Variants in MBOAT4 observed in about 807,000 individuals in gnomAD.
MBOAT4 encodes the protein membrane bound ghrelin O-acyltransferase MBOAT4.
Under a neutral mutation model 13.2 loss-of-function variants are expected in MBOAT4, and 11 were observed. That is an observed-to-expected ratio of 0.84 (90% CI 0.53 to 1.38). MBOAT4 has a LOEUF of 1.38. Ranked by LOEUF, MBOAT4 falls within the 40% of genes most tolerant of loss-of-function variation. MBOAT4 has a pLI of 0.00. For synonymous variants in MBOAT4, 202 were observed against 210.3 expected (o/e 0.96, Z 0.34); for missense variants, 481 against 527.2 (o/e 0.91, Z 0.86).
At chr8:30,134,605 G>A (rs776608444) in intron 2 of MBOAT4, among the ~76,000 whole-genome samples, 8 of 146,370 alleles carry the variant, frequency 5.5e-5, no homozygotes, top group Non-Finnish European at 1.1e-4. Context: ...GCAGTGGCGC[G>A]ATCTCAGCCG....
chr8:30,132,224 C>T lies in MBOAT4; in HGVS notation c.1027G>A (p.Gly343Arg), dbSNP rs1444904503. 6 of 1,551,870 alleles carry T rather than the reference C, an allele frequency of 3.9e-6. No homozygotes were observed. The highest frequency in any genetic ancestry group is 5.2e-6 in the Non-Finnish European group (6 of 1,147,032). ...CAGCAAACGAAACCAAACACCTGTC[C>T]TGGATGGAGTCCATGCCACCAGGCA... Reference protein sequence around the residue: ...FSAWWHGLHPGQVFGFVCWAV... With the variant: ...FSAWWHGLHPRQVFGFVCWAV... Residue 343 changes from glycine (G) to arginine (R), a missense_variant, in exon 3 of 3, where the codon GGA (glycine) becomes AGA (arginine). Transcript: ENST00000320542.
At chr8:30,133,106 G>C (rs1803063763) in intron 2 of MBOAT4, among the ~76,000 whole-genome samples, 200 bp from the exon 3 acceptor site, 1 of 151,818 alleles carries the variant, frequency 6.6e-6, no homozygotes, top group Non-Finnish European at 1.5e-5. Flanking sequence ...TTATAGACAT[G>C]GGGTCTCACT....
intron 1 of MBOAT4, among the ~76,000 whole-genome samples, chr8:30,140,708 C>A (rs1803247602): frequency 6.6e-6 from 1 of 152,088 alleles, no homozygotes; most frequent in Non-Finnish European, 1.5e-5. Context: ...CTGTTGCCTT[C>A]CCAGAGTGAA....
At chr8:30,138,259 C>T (rs1803190078) in intron 2 of MBOAT4, 1 of 301,888 alleles carries the variant, frequency 3.3e-6, no homozygotes, top group African/African-American at 2.1e-5. Context: ...TTCTTTACTG[C>T]AATTCCCCTG....
Position 30,132,195 on chromosome 8 carries a change from G to A in MBOAT4, c.1056C>T (p.Ala352=), listed in dbSNP as rs759666616. The part of the protein sequence containing the change: ...PGQVFGFVCW[A]VMVEADYLIH... Reference sequence around the variant, plus strand: ...TCAGGTAGTCAGCTTCCACCATCACGGCCCAGCAAACGAAACCAAACACCT... The same window carrying A: ...TCAGGTAGTCAGCTTCCACCATCACAGCCCAGCAAACGAAACCAAACACCT... Residue 352 remains alanine (A), a synonymous_variant, in exon 3 of 3, where the codon GCC becomes GCT. Transcript: ENST00000320542. The A allele has an allele frequency of 4.5e-6, 7 of 1,551,666 alleles. No individual in the cohort carries two copies. Among genetic ancestry groups the A allele is most frequent in the Middle Eastern group, 1.7e-4 (1 of 6,016 alleles).
intron 1 of MBOAT4, among the ~76,000 whole-genome samples, chr8:30,139,620 A>G (rs1035178013): frequency 6.6e-6 from 1 of 152,164 alleles, no homozygotes; most frequent in African/African-American, 2.4e-5. Context: ...GCACTTTAAG[A>G]TCTTATGAGT....
At chr8:30,137,812 C>T (rs1237691446) in intron 2 of MBOAT4, 3 of 334,242 alleles carry the variant, frequency 9.0e-6, no homozygotes, top group Non-Finnish European at 1.7e-5. Context: ...GTAGGATTAA[C>T]AAATTAGCCG....
At position 30,137,286 on chromosome 8, in the gene MBOAT4, C is replaced by A. The variant is rs1291096991; in HGVS notation, c.344+1246G>T. ...CTGTTTTCTAGATGGGGCGCCTACC[C>A]TTCTTCAGCAAGATGGGAACAGCTG... is the stretch of plus-strand genomic sequence containing the variant. On this transcript the variant is annotated intron_variant, in intron 2 of 2. Transcript: ENST00000320542. 24 of 1,551,522 alleles carry A rather than the reference C, an allele frequency of 1.5e-5. No individual in the cohort carries two copies. The South Asian group carries it at 2.7e-4, about 18-fold the overall frequency.
intron 2 of MBOAT4, among the ~76,000 whole-genome samples, chr8:30,133,783 T>C (rs1285715783): frequency 1.5e-5 from 1 of 67,440 alleles, no homozygotes; most frequent in African/African-American, 4.8e-5. Flanking sequence ...AGTGAGACCC[T>C]GTCTCAAAAA....
chr8:30,144,628 T>C lies in MBOAT4; in HGVS notation c.-27A>G. The C allele has an allele frequency of 6.9e-7, 1 of 1,439,952 alleles. No individual in the cohort carries two copies. Among genetic ancestry groups the C allele is most frequent in the Non-Finnish European group, 9.5e-7 (1 of 1,051,144 alleles). The allele number at this position is 1,439,952 out of a possible 1,614,324, so 89.2% of individuals were successfully genotyped here. A position where few individuals can be genotyped will look rare whatever the true frequency, so the allele number is the denominator to read the frequency against. On this transcript the variant is annotated 5_prime_UTR_variant, in exon 1 of 3. Coordinates refer to ENST00000320542, the MANE Select transcript of MBOAT4 (RefSeq NM_001100916.2). ...AGGAACCAGAACAAAAGAGCCTGTC[T>C]TTTCCAGTGTCCTTAACTGATGCCT...
rs541824674 is a variant in MBOAT4, at chr8:30,137,009, A to AT, written c.344+1522dup. On this transcript the variant is annotated intron_variant, in intron 2 of 2. Transcript: ENST00000320542. Reference sequence around the variant, plus strand: ...GGCTGAAAATAGTCTTTACAGGAAAATTAAAAAAAAAAATTCTAGGTATAG... The same window carrying AT: ...GGCTGAAAATAGTCTTTACAGGAAAATTTAAAAAAAAAAATTCTAGGTATAG... 1.5e-3 allele frequency among the ~76,000 whole-genome samples: 229 copies of AT among 152,026 alleles called. 2 individuals carry two copies. The highest frequency in any genetic ancestry group is 5.3e-3 in the African/African-American group (218 of 41,454).
At chr8:30,137,672 A>G (rs1750092251) in intron 2 of MBOAT4, 2 of 607,944 alleles carry the variant, frequency 3.3e-6, no homozygotes. Flanking sequence ...CTAACCTCCA[A>G]GCTGTCCTTG....
At position 30,144,536 on chromosome 8, in the gene MBOAT4, A is replaced by G; in HGVS notation, c.66T>C (p.Phe22=). 6.4e-7 allele frequency: 1 copy of G among 1,551,688 alleles called. No individual in the cohort carries two copies. Among genetic ancestry groups the G allele is most frequent in the Non-Finnish European group, 8.7e-7 (1 of 1,146,972 alleles). ...TGCAGAGATAATTGAAGAGAAGTGC[A>G]AAGGGAAATGCAGCCCCCTGGTAAA... ...ISFYQGAAFP[F]ALLFNYLCIM... Residue 22 remains phenylalanine, a synonymous_variant, in exon 1 of 3, where the codon TTT becomes TTC. Coordinates refer to ENST00000320542, the MANE Select transcript of MBOAT4 (RefSeq NM_001100916.2).
chr8:30,140,944 C>T (rs570148318), intron 1 of MBOAT4, among the ~76,000 whole-genome samples: 53 of 152,094 alleles, frequency 3.5e-4, no homozygotes, highest in Non-Finnish European at 6.5e-4. Context: ...CTCAAGAAAT[C>T]CTCCCACCTC....
In MBOAT4 at chr8:30,132,724, AG is replaced by A; in HGVS notation, c.526del (p.Leu176TrpfsTer30). 6.4e-7 allele frequency: 1 copy of A among 1,551,702 alleles called. No homozygotes were observed. Among genetic ancestry groups the A allele is most frequent in the East Asian group, 2.4e-5 (1 of 40,912 alleles). The part of the protein sequence containing the change: ...FSYLLFFPAL[L>X]GGSLCSFQRF... The stretch of plus-strand genomic sequence containing the variant: ...CTGGAAGGAGCACAGAGAGCCTCCC[AG>A]GAGAGCAGGGAAAAAGAGCAAGTAG... On this transcript the variant is annotated frameshift_variant, in exon 3 of 3. Coordinates refer to ENST00000320542, the MANE Select transcript of MBOAT4 (RefSeq NM_001100916.2). LOFTEE classifies it low-confidence loss of function (END_TRUNC).
rs7844812 is a variant in MBOAT4 at position 30,132,048 on chromosome 8, A to G, written c.1203T>C (p.Ser401=). 0.86 allele frequency: 1,336,325 copies of G among 1,551,518 alleles called. 581,536 individuals are homozygous for G. Among genetic ancestry groups the G allele is most frequent in the Middle Eastern group, 0.89 (5,362 of 5,992 alleles). ...AYIMLAVEVR[S]LSSLWLLCNS... is the part of the protein sequence containing the mutation. ...TACAGAGCAACCAGAGAGAGGAGAG[A>G]CTCCTGACCTCCACAGCCAGCATGA... The change falls in exon 3 of 3, where the codon AGT becomes AGC. Residue 401 remains serine, a synonymous_variant. Coordinates refer to ENST00000320542, the MANE Select transcript of MBOAT4 (RefSeq NM_001100916.2).
intron 1 of MBOAT4, 140 bp from the exon 2 acceptor site, chr8:30,138,896 C>T (rs1803209443): frequency 1.7e-6 from 1 of 605,696 alleles, no homozygotes; most frequent in South Asian, 2.2e-5. Context: ...ACTCTGGGGC[C>T]TTCCTTTTGT....
Position 30,132,686 on chromosome 8 carries a change from G to A in MBOAT4, c.565C>T (p.Arg189Cys), listed in dbSNP as rs1407362716. ...TGCAAAGCACTGGACCCTTGAACACGAGCCTGAAATCGCTGGAAGGAGCAC... is the reference window on the plus strand; with the variant it reads ...TGCAAAGCACTGGACCCTTGAACACAAGCCTGAAATCGCTGGAAGGAGCAC... ...SLCSFQRFQA[R>C]VQGSSALHPR... The change falls in exon 3 of 3, where the codon CGT becomes TGT. Residue 189 changes from arginine (R) to cysteine (C), a missense_variant. By Grantham distance (180) the Arg-to-Cys change is radical. Coordinates refer to ENST00000320542, the MANE Select transcript of MBOAT4 (RefSeq NM_001100916.2). 3.0e-5 allele frequency: 46 copies of A among 1,551,594 alleles called. No homozygotes were observed. Among genetic ancestry groups the A allele is most frequent in the Non-Finnish European group, 3.8e-5 (44 of 1,147,006 alleles).
intron 1 of MBOAT4, among the ~76,000 whole-genome samples, chr8:30,140,979 C>A (rs73240393): frequency 6.6e-6 from 1 of 151,970 alleles, no homozygotes; most frequent in African/African-American, 2.4e-5. Flanking sequence ...CTGGGACTAT[C>A]GACACGCACC....
Sources: allele counts gnomAD v4.1 joint callset (sites outside exome capture counted in the v4.1 genomes callset), GRCh38; gene constraint gnomAD v4.1.1; transcripts MANE v1.5; gene names NCBI Gene and HGNC (gene_info 2026-07-23, HGNC 2026-07-21).